Variants in NLGN4X observed in about 807,000 individuals in gnomAD.
NLGN4X encodes the protein neuroligin-4, X-linked.
A neutral mutation model predicts 40.3 loss-of-function variants in NLGN4X; 3 were observed. That is an observed-to-expected ratio of 0.07 (90% CI 0.03 to 0.19). The LOEUF is 0.19. Ranked by LOEUF, NLGN4X falls within the 10% of genes least tolerant of loss-of-function variation. NLGN4X has a pLI of 1.00. For synonymous variants in NLGN4X, 270 were observed against 306.8 expected (o/e 0.88, Z 1.25); for missense variants, 382 against 708.3 (o/e 0.54, Z 5.23).
At chrX:6,132,119 A>C (rs912183207) in intron 2 of NLGN4X, among the ~76,000 whole-genome samples, 1 of 112,049 alleles carries the variant, frequency 8.9e-6, no homozygotes, top group African/African-American at 3.2e-5. Flanking sequence ...TACACTAGGA[A>C]TTAAAAATTG....
chrX:6,051,210 T>C (rs1392555907), intron 2 of NLGN4X, among the ~76,000 whole-genome samples: 1 of 112,027 alleles, frequency 8.9e-6, no homozygotes, highest in Non-Finnish European at 1.9e-5. Context: ...GTCTCCTATG[T>C]ATTAATGTCT....
chrX:5,978,266 CTCTTTTTTTCTTTCTTTCTT>C lies in NLGN4X; in HGVS notation c.625+50994_625+51013del, dbSNP rs1160280848. Among the ~76,000 whole-genome samples the C allele has an allele frequency of 9.2e-3, 959 of 104,006 alleles. 17 individuals are homozygous for C. The highest frequency in any genetic ancestry group is 0.032 in the African/African-American group (851 of 26,800). 90.3% of individuals were successfully genotyped at this position (104,006 alleles called of 115,157 possible). A position where few individuals can be genotyped will look rare whatever the true frequency, so the allele number is the denominator to read the frequency against. On this transcript the variant is annotated intron_variant, in intron 3 of 5. Transcript: ENST00000381095. Reference sequence around the variant, plus strand: ...CAACTGGAATTAAAAAGACAGGCGTCTCTTTTTTTCTTTCTTTCTTTCTTTCTTTCTTTCTTTCTTTCTTT... The same window carrying C: ...CAACTGGAATTAAAAAGACAGGCGTCTCTTTCTTTCTTTCTTTCTTTCTTT...
At chrX:5,940,943 T>G (rs969541140) in intron 3 of NLGN4X, among the ~76,000 whole-genome samples, 3 of 109,659 alleles carry the variant, frequency 2.7e-5, no homozygotes, top group African/African-American at 9.9e-5. Context: ...ATGGAGACCT[T>G]GTCTCCACAA....
intron 1 of NLGN4X, among the ~76,000 whole-genome samples, chrX:6,181,009 T>C (rs972211665): frequency 9.0e-6 from 1 of 111,388 alleles, no homozygotes; most frequent in East Asian, 2.9e-4. Flanking sequence ...GAGGCACCAA[T>C]AGTTTGCTTC....
chrX:6,077,267 ATTTT>A (rs774612264), intron 2 of NLGN4X, among the ~76,000 whole-genome samples: 4 of 82,368 alleles, frequency 4.9e-5, no homozygotes, highest in Non-Finnish European at 1.1e-4. Context: ...CCAAAATTTT[ATTTT>A]GTGTGTGTGT....
chrX:6,225,720 T>TTTTTTTTTTTTTTTTTTTTTC (rs1926211128), intron 1 of NLGN4X, among the ~76,000 whole-genome samples: 1 of 79,472 alleles, frequency 1.3e-5, no homozygotes, highest in Admixed American at 1.5e-4. Flanking sequence ...TTTTTTTTTT[T>TTTTTTTTTTTTTTTTTTTTTC]TGCTTTTGCC....
chrX:5,921,390 C>G (rs868242410), intron 3 of NLGN4X, among the ~76,000 whole-genome samples: 1 of 17,193 alleles, frequency 5.8e-5, no homozygotes, highest in South Asian at 3.0e-3. Flanking sequence ...TGAAAATGAA[C>G]CAGAGAGAGA....
At chrX:5,983,202 C>A (rs1397268023) in intron 3 of NLGN4X, among the ~76,000 whole-genome samples, 1 of 108,523 alleles carries the variant, frequency 9.2e-6, no homozygotes, top group Non-Finnish European at 1.9e-5. Flanking sequence ...AAGAGCATGG[C>A]CCCATGGATG....
intron 2 of NLGN4X, among the ~76,000 whole-genome samples, chrX:6,113,417 T>C (rs947189237): frequency 2.7e-5 from 3 of 111,518 alleles, no homozygotes; most frequent in African/African-American, 9.8e-5. Flanking sequence ...AATTCATATA[T>C]ATTTAACTTT....
At chrX:5,979,119 C>G (rs1393573904) in intron 3 of NLGN4X, among the ~76,000 whole-genome samples, 1 of 111,620 alleles carries the variant, frequency 9.0e-6, no homozygotes, top group Non-Finnish European at 1.9e-5. Context: ...AAACAGTTAT[C>G]TGCTTACAGA....
chrX:6,106,636 T>C (rs2039039281), intron 2 of NLGN4X, among the ~76,000 whole-genome samples: 2 of 112,252 alleles, frequency 1.8e-5, no homozygotes, highest in Admixed American at 9.5e-5. Context: ...ATACTGTATG[T>C]AGCCTTTTCC....
chrX:6,219,149 A>G (rs1478638664), intron 1 of NLGN4X, among the ~76,000 whole-genome samples: 1 of 87,323 alleles, frequency 1.1e-5, no homozygotes, highest in Non-Finnish European at 2.4e-5. Flanking sequence ...ATATATATGT[A>G]TGTGTGTGTG....
intron 3 of NLGN4X, among the ~76,000 whole-genome samples, chrX:6,005,507 AC>A (rs2036082362): frequency 9.0e-6 from 1 of 110,951 alleles, no homozygotes; most frequent in Non-Finnish European, 1.9e-5. Flanking sequence ...TGTCTTCACT[AC>A]CCAGTTGTTG....
At chrX:5,921,150 T>TATATATATATATATATATATAC (rs1569131516) in intron 3 of NLGN4X, among the ~76,000 whole-genome samples, 1 of 59,942 alleles carries the variant, frequency 1.7e-5, no homozygotes, top group African/African-American at 9.0e-5. Flanking sequence ...TATATATACA[T>TATATATATATATATATATATAC]ATATATATAT....
chrX:6,109,405 A>G (rs755480180), intron 2 of NLGN4X, among the ~76,000 whole-genome samples: 3 of 112,560 alleles, frequency 2.7e-5, no homozygotes, highest in Admixed American at 9.4e-5. Flanking sequence ...ATACAGGGTT[A>G]TATTAGAATG....
chrX:6,160,469 TAA>T (rs1177356617), intron 1 of NLGN4X, among the ~76,000 whole-genome samples: 4 of 111,236 alleles, frequency 3.6e-5, no homozygotes, highest in Non-Finnish European at 3.8e-5. Flanking sequence ...CCCTCATATA[TAA>T]GAGGAGTTGT....
chrX:5,964,079 T>C (rs1351814605), intron 3 of NLGN4X, among the ~76,000 whole-genome samples: 2 of 111,710 alleles, frequency 1.8e-5, no homozygotes, highest in Non-Finnish European at 3.8e-5. Context: ...GTATTTAAGT[T>C]AGGTCTTGAG....
chrX:6,216,895 G>T (rs2204860), intron 1 of NLGN4X, among the ~76,000 whole-genome samples: 38,797 of 110,779 alleles, frequency 0.35, 6,956 homozygotes, highest in African/African-American at 0.7. Context: ...CCTCAAGTGA[G>T]CCTTACACCT....
chrX:5,925,877 C>CACATATATATATATATATATATACAT (rs2033266588), intron 3 of NLGN4X, among the ~76,000 whole-genome samples: 1 of 11,117 alleles, frequency 9.0e-5, no homozygotes, highest in Non-Finnish European at 1.3e-4. Context: ...TATATACATA[C>CACATATATATATATATATATATACAT]ACACATATAT....
Sources: gnomAD v4.1 joint callset for allele counts (sites outside exome capture counted in the v4.1 genomes callset) on GRCh38, gnomAD v4.1.1 for gene constraint, MANE v1.5 for transcripts, NCBI Gene and HGNC (gene_info 2026-07-23, HGNC 2026-07-21) for gene names.